Variants in DIS3 observed in about 807,000 individuals in gnomAD.
The protein encoded by DIS3 is exosome complex exonuclease RRP44.
A neutral mutation model predicts 113.0 loss-of-function variants in DIS3; 103 were observed. That is an observed-to-expected ratio of 0.91 (90% CI 0.78 to 1.07). The LOEUF is 1.07. Among genes scored for constraint, DIS3 ranks in the 50% least tolerant of loss-of-function variants. The probability of loss-of-function intolerance (pLI) is 0.00; values close to 1 mark genes in which losing one functional copy is unlikely to be tolerated. For missense variants in DIS3, 1,121 were observed against 1,167.1 expected, an observed-to-expected ratio of 0.96 and a Z score of 0.58; for synonymous variants, 402 against 394.3, an observed-to-expected ratio of 1.02 and a Z score of -0.23.
Position 72,755,452 on chromosome 13 carries a change from TTGAGTGA to T in DIS3, c.*4336_*4342del, listed in dbSNP as rs1483857333. On this transcript the variant is annotated 3_prime_UTR_variant, in exon 21 of 21. Transcript: ENST00000377767. ...ATCAATAAATATTTTTATACTTACA[TTGAGTGA>T]TGTGTTTAACAACAAATTGTGACAG... 2 of 488,466 alleles carry T rather than the reference TTGAGTGA, an allele frequency of 4.1e-6. No homozygotes were observed. Among genetic ancestry groups the T allele is most frequent in the Non-Finnish European group, 7.2e-6 (2 of 276,654 alleles). The allele number at this position is 488,466 out of a possible 1,614,324, so 30.3% of individuals were successfully genotyped here.
intron 8 of DIS3, among the ~76,000 whole-genome samples, chr13:72,773,208 C>T (rs1184676516): frequency 1.3e-5 from 2 of 152,188 alleles, no homozygotes; most frequent in Non-Finnish European, 2.9e-5. Flanking sequence ...CACATTGGCT[C>T]ATGCCTGTAA....
Position 72,772,816 on chromosome 13 carries a change from A to AC in DIS3, c.1262dup (p.Asp422Ter). Reference sequence around the variant, plus strand: ...TTTCAGTCTCTTTCTCTCCAACATCACCTAAATTTCTCACAAAGTGTCCCT... The same window carrying AC: ...TTTCAGTCTCTTTCTCTCCAACATCACCCTAAATTTCTCACAAAGTGTCCCT... On this transcript the variant is annotated frameshift_variant, in exon 9 of 21. Transcript: ENST00000377767. LOFTEE classifies it high-confidence loss of function. The AC allele has an allele frequency of 6.2e-7, 1 of 1,605,536 alleles. No individual in the cohort carries two copies. Among genetic ancestry groups the AC allele is most frequent in the Non-Finnish European group, 8.5e-7 (1 of 1,177,500 alleles).
At chr13:72,762,835 A>T (rs559903496) in intron 16 of DIS3, among the ~76,000 whole-genome samples, 20 of 152,296 alleles carry the variant, frequency 1.3e-4, no homozygotes, top group East Asian at 1.9e-4. Context: ...AATAAATAAA[A>T]AAAAAAAATA....
rs927585491 is a variant in DIS3, at chr13:72,761,576, A to C, written c.2512-55T>G. 2.6e-5 allele frequency: 39 copies of C among 1,523,892 alleles called. No individual in the cohort carries two copies. The Middle Eastern group carries it at 5.5e-4, about 21-fold the overall frequency. The allele number at this position is 1,523,892 out of a possible 1,614,324, so 94.4% of individuals were successfully genotyped here. A position where few individuals can be genotyped will look rare whatever the true frequency, so the allele number is the denominator to read the frequency against. ...TGTCTTAAAAATTTTTAAATAAACA[A>C]AAAATTGAAATTAAATTAAAAATGA... On this transcript the variant is annotated intron_variant, in intron 18 of 20. Coordinates refer to ENST00000377767, the MANE Select transcript of DIS3 (RefSeq NM_014953.5).
intron 14 of DIS3, among the ~76,000 whole-genome samples, chr13:72,766,463 G>GAA (rs2033753804): frequency 6.6e-6 from 1 of 152,092 alleles, no homozygotes; most frequent in Non-Finnish European, 1.5e-5. Flanking sequence ...AATAAAGAGG[G>GAA]GCAAAAGGGG....
Position 72,770,929 on chromosome 13 carries a change from A to T in DIS3, c.1730T>A (p.Phe577Tyr), listed in dbSNP as rs1163860503. The T allele has an allele frequency of 6.2e-7, 1 of 1,606,458 alleles. No homozygotes were observed. Among genetic ancestry groups the T allele is most frequent in the East Asian group, 2.2e-5 (1 of 44,692 alleles). The change falls in exon 13 of 21, where the codon TTT becomes TAT. Residue 577 changes from phenylalanine (F) to tyrosine (Y), a missense_variant. By Grantham distance (22) the Phe-to-Tyr change is conservative. Transcript: ENST00000377767. ...CTTTGAATTAATAACACTTTTGGTAAACTTCGTTTTTAAGATTTCAGCATT... is the reference window on the plus strand; with the variant it reads ...CTTTGAATTAATAACACTTTTGGTATACTTCGTTTTTAAGATTTCAGCATT... ...NHNAEILKTK[F>Y]TKSVINSKAS...
chr13:72,763,395 G>C, intron 16 of DIS3, 56 bp downstream of exon 16: 2 of 1,507,688 alleles, frequency 1.3e-6, no homozygotes, highest in African/African-American at 1.4e-5. Context: ...AAATTATTTA[G>C]AACAACAGGT....
chr13:72,761,861 G>C, intron 17 of DIS3, 47 bp from the exon 18 acceptor site: 1 of 1,611,702 alleles, frequency 6.2e-7, no homozygotes. Flanking sequence ...GTACTAATAT[G>C]TGCTTTTAAA....
At chr13:72,777,382 T>A (rs2034040501) in intron 4 of DIS3, 38 bp downstream of exon 4, 1 of 1,595,250 alleles carries the variant, frequency 6.3e-7, no homozygotes, top group Non-Finnish European at 8.6e-7. Context: ...GTGGCTATTT[T>A]AATATTTTTA....
chr13:72,761,508 C>T lies in DIS3; in HGVS notation c.2525G>A (p.Ser842Asn), dbSNP rs2033621920. Residue 842 changes from serine to asparagine, a missense_variant, in exon 19 of 21, where the codon AGC becomes AAC. Coordinates refer to ENST00000377767, the MANE Select transcript of DIS3 (RefSeq NM_014953.5). ...VAFHTQLFFKSKGIVSEEAYI... is the reference protein window; with the variant it reads ...VAFHTQLFFKNKGIVSEEAYI... ...GGCTTCTTCACTTACTATTCCTTTG[C>T]TTTTGAAGAATAACTGTAAAATAAC... The T allele has an allele frequency of 1.3e-5, 20 of 1,578,854 alleles. No individual in the cohort carries two copies. The highest frequency in any genetic ancestry group is 1.7e-5 in the Non-Finnish European group (20 of 1,168,740).
chr13:72,761,805 A>G lies in DIS3; in HGVS notation c.2352T>C (p.Asp784=), dbSNP rs1481457821. 3.1e-6 allele frequency: 5 copies of G among 1,612,398 alleles called. No homozygotes were observed. The African/African-American group carries it at 4.0e-5, about 13-fold the overall frequency. ...CAGCCAAAAGCCGATGAACAATGAC[A>G]TCTGCGTATCTAGATAGATGGAAAA... ...HFTSPIRRYA[D]VIVHRLLAVA... Residue 784 remains aspartate (D), a synonymous_variant, in exon 18 of 21, where the codon GAT becomes GAC. Transcript: ENST00000377767.
At chr13:72,772,102 G>T (rs1189448859) in intron 10 of DIS3, 57 bp downstream of exon 10, 3 of 1,438,246 alleles carry the variant, frequency 2.1e-6, no homozygotes, top group Non-Finnish European at 2.9e-6. Context: ...TAGTTCAAAA[G>T]AAAATGAACT....
intron 6 of DIS3, 32 bp downstream of exon 6, chr13:72,775,179 C>T: frequency 6.3e-7 from 1 of 1,574,976 alleles, no homozygotes. Flanking sequence ...CAAAGCTACA[C>T]AGACAAAAAA....
intron 4 of DIS3, 142 bp downstream of exon 4, chr13:72,777,278 T>A: frequency 4.1e-6 from 3 of 731,840 alleles, no homozygotes; most frequent in Non-Finnish European, 6.8e-6. Flanking sequence ...GCCTATGACA[T>A]CCACTCCTGT....
In DIS3 at chr13:72,759,462, A is replaced by G. The variant is rs1022681262; in HGVS notation, c.*333T>C. On this transcript the variant is annotated 3_prime_UTR_variant, in exon 21 of 21. Transcript: ENST00000377767. ...TTTTTCTTACAAATATTAAATAATC[A>G]AAGTACTTACGCAAAATTAATCTGC... The G allele has an allele frequency of 1.3e-5, 3 of 239,160 alleles. No homozygotes were observed. In the East Asian group the frequency reaches 1.8e-4, roughly 15 times the overall value. The allele number at this position is 239,160 out of a possible 1,614,324, so 14.8% of individuals were successfully genotyped here. A position where few individuals can be genotyped will look rare whatever the true frequency, so the allele number is the denominator to read the frequency against.
At chr13:72,767,864 C>T (rs1227313078) in intron 14 of DIS3, among the ~76,000 whole-genome samples, 2 of 152,312 alleles carry the variant, frequency 1.3e-5, no homozygotes, top group East Asian at 1.9e-4. Flanking sequence ...CTGAGACCAA[C>T]ATCTGGAAGG....
rs2033412389 is a variant in DIS3 at position 72,755,048 on chromosome 13, A to G, written c.*4747T>C. On this transcript the variant is annotated 3_prime_UTR_variant, in exon 21 of 21. Coordinates refer to ENST00000377767, the MANE Select transcript of DIS3 (RefSeq NM_014953.5). ...TATCTTTACTGTCCCTTCAGAGTTC[A>G]GCTAAAGAAACGTGCTTTTAGGTTT... The G allele has an allele frequency of 2.3e-6, 2 of 868,156 alleles. No homozygotes were observed. The highest frequency in any genetic ancestry group is 3.8e-6 in the Non-Finnish European group (2 of 526,534). The allele number at this position is 868,156 out of a possible 1,614,324, so 53.8% of individuals were successfully genotyped here. A position where few individuals can be genotyped will look rare whatever the true frequency, so the allele number is the denominator to read the frequency against.
chr13:72,781,281 G>T (rs930236810), intron 1 of DIS3: 149 of 1,551,080 alleles, frequency 9.6e-5, no homozygotes, highest in Non-Finnish European at 1.2e-4. Context: ...TTGTTCCTAG[G>T]CACTTACAAG....
chr13:72,765,883 T>C (rs1370232806), intron 15 of DIS3, 89 bp downstream of exon 15: 5 of 894,756 alleles, frequency 5.6e-6, no homozygotes, highest in Non-Finnish European at 8.1e-6. Context: ...TTATTTTGTA[T>C]ATAAACGTTT....
Sources: allele counts gnomAD v4.1 joint callset (sites outside exome capture counted in the v4.1 genomes callset), GRCh38; gene constraint gnomAD v4.1.1; transcripts MANE v1.5; gene names NCBI Gene and HGNC (gene_info 2026-07-23, HGNC 2026-07-21).